ARNT: variants seen among roughly 807,000 people sequenced by gnomAD.
ARNT encodes the protein class E basic helix-loop-helix protein 2.
A neutral mutation model predicts 105.0 loss-of-function variants in ARNT; 30 were observed. The observed-to-expected ratio is 0.29, with a 90% CI of 0.21 to 0.39. ARNT has a LOEUF of 0.39. ARNT is among the 10% of genes least tolerant of loss of function. ARNT has a pLI of 1.00. For missense variants in ARNT, 748 were observed against 978.7 expected (o/e 0.76, Z 3.15); for synonymous variants, 304 against 344.0 (o/e 0.88, Z 1.29).
rs587646728 is a variant in ARNT at position 150,854,376 on chromosome 1, G to A, written c.138-1570C>T. ...AGTTTAAGACCAGCCTGGGCAACAC[G>A]GTGAAATCCCGTCTCTACAAAACAT... is the stretch of plus-strand genomic sequence containing the variant. On this transcript the variant is annotated intron_variant, in intron 2 of 21. Transcript: ENST00000358595. Among the ~76,000 whole-genome samples the A allele has an allele frequency of 1.6e-4, 24 of 149,508 alleles. No individual in the cohort carries two copies. In the South Asian group the frequency reaches 2.6e-3, roughly 16 times the overall value.
At chr1:150,832,187 GTAAGTGGGAGGTAAGGGATGT>G (rs1375652689) in intron 9 of ARNT, 126 bp downstream of exon 9, 6 of 831,488 alleles carry the variant, frequency 7.2e-6, no homozygotes, top group East Asian at 2.4e-5. Context: ...CAGAAAAAAA[GTAAGTGGGAGGTAAGGGATGT>G]TAAGTGGGAG....
intron 7 of ARNT, 89 bp from the exon 8 acceptor site, chr1:150,834,729 T>A: frequency 8.9e-7 from 1 of 1,125,286 alleles, no homozygotes; most frequent in Non-Finnish European, 1.3e-6. Flanking sequence ...TAAGTAAGCA[T>A]CCTATTCATG....
Position 150,842,488 on chromosome 1 carries a change from A to G in ARNT, c.228-20T>C. The G allele has an allele frequency of 6.2e-7, 1 of 1,605,454 alleles. No homozygotes were observed. Among genetic ancestry groups the G allele is most frequent in the Non-Finnish European group, 8.5e-7 (1 of 1,174,608 alleles). ...TCCGACCTAAAAATAGAATTAATGA[A>G]CTAAGCTAAAATTAAAATAAAAAAG... On this transcript the variant is annotated intron_variant, in intron 4 of 21. Transcript: ENST00000358595.
At chr1:150,834,718 ATAAG>A (rs1249956111) in intron 7 of ARNT, 78 bp from the exon 8 acceptor site, 26 of 1,219,630 alleles carry the variant, frequency 2.1e-5, no homozygotes, top group Non-Finnish European at 3.1e-5. Context: ...GAAGGCAAAG[ATAAG>A]TAAGCATCCT....
At chr1:150,851,185 A>AGAGAGGCGGGGGCCAGCCCCCGTCCG in intron 3 of ARNT, among the ~76,000 whole-genome samples, 1 of 148,862 alleles carries the variant, frequency 6.7e-6, no homozygotes, top group East Asian at 2.1e-4. Flanking sequence ...CACCCCGTCC[A>AGAGAGGCGGGGGCCAGCCCCCGTCCG]GGAGAGAGGC....
chr1:150,846,389 G>A, intron 3 of ARNT, 82 bp from the exon 4 acceptor site: 1 of 1,376,216 alleles, frequency 7.3e-7, no homozygotes, highest in Non-Finnish European at 1.0e-6. Context: ...AGAAAGGGGT[G>A]AAAATATTCA....
intron 1 of ARNT, among the ~76,000 whole-genome samples, chr1:150,863,993 A>T (rs1413249474): frequency 1.3e-5 from 2 of 152,180 alleles, no homozygotes; most frequent in African/African-American, 4.8e-5. Context: ...ATACTTACAC[A>T]AATCTAGATG....
At chr1:150,840,937 C>CTCT (rs1282304348) in intron 5 of ARNT, among the ~76,000 whole-genome samples, 6 of 146,692 alleles carry the variant, frequency 4.1e-5, no homozygotes, top group African/African-American at 7.5e-5. Context: ...TGCCTTATCT[C>CTCT]TCTTCTTCTT....
intron 1 of ARNT, among the ~76,000 whole-genome samples, chr1:150,863,397 A>C (rs377528777): frequency 1.3e-5 from 2 of 152,034 alleles, no homozygotes; most frequent in Non-Finnish European, 2.9e-5. Context: ...AGAGAAGATA[A>C]TCCTGGTTTA....
At chr1:150,871,583 G>A (rs587733721) in intron 1 of ARNT, among the ~76,000 whole-genome samples, 1 of 149,470 alleles carries the variant, frequency 6.7e-6, no homozygotes, top group African/African-American at 2.4e-5. Flanking sequence ...TTACAGGCAT[G>A]AGCCACCATG....
chr1:150,838,860 T>C (rs1012925257), intron 6 of ARNT, among the ~76,000 whole-genome samples: 2 of 152,334 alleles, frequency 1.3e-5, no homozygotes, highest in African/African-American at 4.8e-5. Context: ...AATTAAAAAA[T>C]ACAATTCCTC....
At chr1:150,824,307 C>T (rs1161299040) in intron 13 of ARNT, among the ~76,000 whole-genome samples, 4 of 151,866 alleles carry the variant, frequency 2.6e-5, no homozygotes, top group Non-Finnish European at 5.9e-5. Context: ...CCCTACTTCC[C>T]TTGGGAAATC....
At chr1:150,823,432 A>G (rs1240088172) in intron 13 of ARNT, 87 bp from the exon 14 acceptor site, 4 of 1,331,318 alleles carry the variant, frequency 3.0e-6, no homozygotes, top group Non-Finnish European at 4.1e-6. Context: ...CTATAACCCT[A>G]AAACTCTTGT....
Position 150,839,641 on chromosome 1 carries a change from CA to C in ARNT, c.285del (p.Ser95ArgfsTer11). On this transcript the variant is annotated frameshift_variant, in exon 6 of 22. Transcript: ENST00000358595. LOFTEE classifies it high-confidence loss of function. The part of the protein sequence containing the change: ...DKERLARENH[S>X]EIERRRRNKM... Reference sequence around the variant, plus strand: ...TTGTTCCGTCGCCGCCGTTCAATTTCACTGTGATTTTCCCTGCATGGAAAGA... The same window carrying C: ...TTGTTCCGTCGCCGCCGTTCAATTTCCTGTGATTTTCCCTGCATGGAAAGA... 6.2e-7 allele frequency: 1 copy of C among 1,613,716 alleles called. No individual in the cohort carries two copies. Among genetic ancestry groups the C allele is most frequent in the Non-Finnish European group, 8.5e-7 (1 of 1,179,876 alleles).
At chr1:150,846,827 T>G (rs889611925) in intron 3 of ARNT, among the ~76,000 whole-genome samples, 1 of 152,226 alleles carries the variant, frequency 6.6e-6, no homozygotes, top group Admixed American at 6.5e-5. Flanking sequence ...TGTCTATGAA[T>G]TTGACTACTT....
rs754926130 is a variant in ARNT, at chr1:150,829,149, C to T, written c.1111G>A (p.Gly371Ser). 1 of 1,614,116 alleles carries T rather than the reference C, an allele frequency of 6.2e-7. No homozygotes were observed. The highest frequency in any genetic ancestry group is 8.5e-7 in the Non-Finnish European group (1 of 1,180,002). ...CGGTGATCCACAAAAGTGAAGATAC[C>T]CTCAATGTTGTGTCGGGAGATGAAC... ...TEFISRHNIE[G>S]IFTFVDHRCV... The change falls in exon 12 of 22, where the codon GGT becomes AGT. Residue 371 changes from glycine (G) to serine (S), a missense_variant. Around this residue, in one of 4 missense-constraint regions of ARNT, gnomAD observed 291 missense variants for 444.6 expected, o/e 0.65. Coordinates refer to ENST00000358595, the MANE Select transcript of ARNT (RefSeq NM_001668.4).
chr1:150,839,017 T>TA (rs1660810557), intron 6 of ARNT, among the ~76,000 whole-genome samples: 1 of 152,188 alleles, frequency 6.6e-6, no homozygotes, highest in Admixed American at 6.5e-5. Flanking sequence ...AAGCAACAAT[T>TA]AGACTCTCAG....
chr1:150,817,009 G>T, intron 17 of ARNT, 73 bp downstream of exon 17: 2 of 1,603,894 alleles, frequency 1.2e-6, no homozygotes, highest in South Asian at 2.2e-5. Context: ...GAAGATTACT[G>T]ACTGGGCAGT....
In ARNT at chr1:150,850,288, G is replaced by A. The variant is rs587711469; in HGVS notation, c.182+2474C>T. 2.2e-4 allele frequency among the ~76,000 whole-genome samples: 34 copies of A among 151,720 alleles called. 1 individual carries two copies. The South Asian group carries it at 5.6e-3, about 25-fold the overall frequency. On this transcript the variant is annotated intron_variant, in intron 3 of 21. Transcript: ENST00000358595. ...CTCCCCACGGTCTCCCTCTCCCCAC[G>A]GTCTCCCTCTCCCTCTCTTTCCACG...
Sources: gnomAD v4.1 joint callset for allele counts (sites outside exome capture counted in the v4.1 genomes callset) on GRCh38, gnomAD v4.1.1 for gene constraint, gnomAD v4.1.1 regional missense constraint, MANE v1.5 for transcripts, NCBI Gene and HGNC (gene_info 2026-07-23, HGNC 2026-07-21) for gene names.